ABCB9: variants seen among roughly 807,000 people sequenced by gnomAD.
ABCB9 encodes the protein ABC-type oligopeptide transporter ABCB9.
Under a neutral mutation model 62.0 loss-of-function variants are expected in ABCB9, and 36 were observed. That is an observed-to-expected ratio of 0.58 (90% CI 0.45 to 0.77). ABCB9 has a LOEUF of 0.77. Among genes scored for constraint, ABCB9 ranks in the 30% least tolerant of loss-of-function variants. The pLI is 0.00. For missense variants in ABCB9, 943 were observed against 1,054.7 expected (o/e 0.89, Z 1.47); for synonymous variants, 435 against 461.4 (o/e 0.94, Z 0.73).
intron 1 of ABCB9, among the ~76,000 whole-genome samples, chr12:122,973,533 C>T (rs1484743270): frequency 3.1e-5 from 4 of 129,000 alleles, no homozygotes; most frequent in South Asian, 2.5e-4. Context: ...CACTGCAGTC[C>T]GCAGTCCGGC....
In ABCB9 at chr12:122,932,130, T is replaced by G; in HGVS notation, c.2040+62A>C. On this transcript the variant is annotated intron_variant, in intron 11 of 11. Transcript: ENST00000280560. The surrounding 1 kb of genome is among the most constrained non-coding windows in gnomAD (Gnocchi z 4.7). Reference sequence around the variant, plus strand: ...TTCTCAGCATCCATCTGCTGGGCGATGGGGGCTCTGGCCACCTGGAGCCGC... The same window carrying G: ...TTCTCAGCATCCATCTGCTGGGCGAGGGGGGCTCTGGCCACCTGGAGCCGC... 2 of 1,549,610 alleles carry G rather than the reference T, an allele frequency of 1.3e-6. No individual in the cohort carries two copies. Among genetic ancestry groups the G allele is most frequent in the Non-Finnish European group, 1.7e-6 (2 of 1,146,876 alleles).
At chr12:122,937,673 A>C (rs1566162501) in intron 9 of ABCB9, among the ~76,000 whole-genome samples, 1 of 151,986 alleles carries the variant, frequency 6.6e-6, no homozygotes, top group Non-Finnish European at 1.5e-5. Flanking sequence ...ACAACAATCT[A>C]CCTCTGGTTA....
At position 122,940,961 on chromosome 12, in the gene ABCB9, C is replaced by T. The variant is rs149389342; in HGVS notation, c.1415G>A (p.Gly472Glu). Residue 472 changes from glycine (G) to glutamate (E), a missense_variant, in exon 8 of 12, where the codon GGA (glycine) becomes GAA (glutamate). Coordinates refer to ENST00000280560, the MANE Select transcript of ABCB9 (RefSeq NM_019625.4). The surrounding 1 kb of genome is among the most constrained non-coding windows in gnomAD (Gnocchi z 4.8). ...GAACACCTTCTCAGCAGCCCCCACT[C>T]CCTGCATCAGGCCACTGTAGACGGA... ...VGSVYSGLMQGVGAAEKVFEF... is the reference protein window; with the variant it reads ...VGSVYSGLMQEVGAAEKVFEF... 1.2e-6 allele frequency: 2 copies of T among 1,612,064 alleles called. No homozygotes were observed. Among genetic ancestry groups the T allele is most frequent in the African/African-American group, 2.7e-5 (2 of 74,900 alleles).
chr12:122,964,261 C>T lies in ABCB9; in HGVS notation c.-88+2026G>A, dbSNP rs915260409. 2.6e-5 allele frequency among the ~76,000 whole-genome samples: 4 copies of T among 152,212 alleles called. No individual in the cohort carries two copies. The highest frequency in any genetic ancestry group is 4.8e-5 in the African/African-American group (2 of 41,454). Reference sequence around the variant, plus strand: ...CTGACTCCCAGCCTCTGGGGGAATTCCTTCCCCATCCCCCAACAGCCCAGG... The same window carrying T: ...CTGACTCCCAGCCTCTGGGGGAATTTCTTCCCCATCCCCCAACAGCCCAGG... On this transcript the variant is annotated intron_variant, in intron 1 of 11. Coordinates refer to ENST00000280560, the MANE Select transcript of ABCB9 (RefSeq NM_019625.4). The surrounding 1 kb of genome is among the most constrained non-coding windows in gnomAD (Gnocchi z 4.7).
At chr12:122,925,898 A>G (rs553034923), downstream of ABCB9, among the ~76,000 whole-genome samples, 2 of 152,214 alleles carry the variant, frequency 1.3e-5, no homozygotes, top group African/African-American at 2.4e-5. Flanking sequence ...ATACAATAGG[A>G]TATCATTCAG....
At chr12:122,961,274 G>A (rs943380833) in intron 1 of ABCB9, among the ~76,000 whole-genome samples, 1 of 151,962 alleles carries the variant, frequency 6.6e-6, no homozygotes, top group East Asian at 1.9e-4. Flanking sequence ...CGCAACCTCC[G>A]TCTCCCTGGT....
In ABCB9 at chr12:122,929,988, T is replaced by C; in HGVS notation, c.2224A>G (p.Met742Val). The change falls in exon 12 of 12, where the codon ATG (methionine) becomes GTG (valine). Residue 742 changes from methionine to valine, a missense_variant. Physicochemically the swap from Met to Val is conservative, Grantham distance 21 (BLOSUM62 1). Coordinates refer to ENST00000280560, the MANE Select transcript of ABCB9 (RefSeq NM_019625.4). The surrounding 1 kb of genome is among the most constrained non-coding windows in gnomAD (Gnocchi z 6.0). ...TCTGCGGCGGGCTGAAGCCCCAGCA[T>C]CTGCCGCTGCACCAGCTTGGCGTAG... The part of the protein sequence containing the change: ...GLYAKLVQRQ[M>V]LGLQPAADFT... 1 of 1,577,470 alleles carries C rather than the reference T, an allele frequency of 6.3e-7. No homozygotes were observed. Among genetic ancestry groups the C allele is most frequent in the Non-Finnish European group, 8.6e-7 (1 of 1,164,604 alleles).
At position 122,935,263 on chromosome 12, in the gene ABCB9, G is replaced by A. The variant is rs748839191; in HGVS notation, c.1903+9C>T. 6.3e-6 allele frequency: 10 copies of A among 1,599,772 alleles called. No homozygotes were observed. Among genetic ancestry groups the A allele is most frequent in the Non-Finnish European group, 7.7e-6 (9 of 1,172,398 alleles). ...GGGCCCAGGAGAGGGGCCACCCCCA[G>A]CTCCACACCTGTGCTGTAGCCGTCC... On this transcript the variant is annotated intron_variant, in intron 10 of 11. Coordinates refer to ENST00000280560, the MANE Select transcript of ABCB9 (RefSeq NM_019625.4).
chr12:122,965,462 C>G (rs969635976), intron 1 of ABCB9, among the ~76,000 whole-genome samples: 3 of 152,160 alleles, frequency 2.0e-5, no homozygotes, highest in African/African-American at 7.2e-5. Context: ...GGGGCAGGAG[C>G]GGGCTGGGTC....
At chr12:122,950,825 C>T (rs2036327212) in intron 2 of ABCB9, 8 of 418,362 alleles carry the variant, frequency 1.9e-5, no homozygotes, top group South Asian at 1.5e-4. Context: ...AGGCATCGAG[C>T]CAGGGCTCCT....
chr12:122,947,648 G>A lies in ABCB9; in HGVS notation c.1053+976C>T. On this transcript the variant is annotated intron_variant, in intron 5 of 11. Coordinates refer to ENST00000280560, the MANE Select transcript of ABCB9 (RefSeq NM_019625.4). This position sits in a 1 kb window ranked among gnomAD's most constrained non-coding sequence, Gnocchi z 6.0. ...TCGGGGGCACCCGCCCATTCAGGAA[G>A]CAGGAGGAGGGTGAGGTCAAACCTG... 2 of 293,838 alleles carry A rather than the reference G, an allele frequency of 6.8e-6. No individual in the cohort carries two copies. Among genetic ancestry groups the A allele is most frequent in the Non-Finnish European group, 1.4e-5 (2 of 139,148 alleles). 18.2% of individuals were successfully genotyped at this position (293,838 alleles called of 1,614,324 possible).
chr12:122,947,394 G>A lies in ABCB9; in HGVS notation c.1054-1172C>T, dbSNP rs1353474479. The A allele has an allele frequency of 7.3e-6, 3 of 408,394 alleles. No individual in the cohort carries two copies. The highest frequency in any genetic ancestry group is 6.1e-5 in the African/African-American group (3 of 49,238). 25.3% of individuals were successfully genotyped at this position (408,394 alleles called of 1,614,324 possible). A position where few individuals can be genotyped will look rare whatever the true frequency, so the allele number is the denominator to read the frequency against. ...GTGGGGAGTGGCCTCACCGGGGGCT[G>A]GGTGGGAGATGGCTTCCTTTGCTAC... On this transcript the variant is annotated intron_variant, in intron 5 of 11. Transcript: ENST00000280560. This position sits in a 1 kb window ranked among gnomAD's most constrained non-coding sequence, Gnocchi z 6.0.
At chr12:122,933,843 T>G (rs1340327289) in intron 10 of ABCB9, among the ~76,000 whole-genome samples, 1 of 152,146 alleles carries the variant, frequency 6.6e-6, no homozygotes, top group African/African-American at 2.4e-5. Context: ...AATAGCTAAA[T>G]CAAGCCAGTT....
At position 122,932,177 on chromosome 12, in the gene ABCB9, C is replaced by T. The variant is rs374106311; in HGVS notation, c.2040+15G>A. 6 of 1,551,700 alleles carry T rather than the reference C, an allele frequency of 3.9e-6. No homozygotes were observed. In the African/African-American group the frequency reaches 8.2e-5, roughly 21 times the overall value. The stretch of plus-strand genomic sequence containing the variant: ...CCGCTCCTGCCCCCGCATTGCCCAC[C>T]ACCCTGTGACTCACCAGATACTCGC... On this transcript the variant is annotated intron_variant, in intron 11 of 11. Coordinates refer to ENST00000280560, the MANE Select transcript of ABCB9 (RefSeq NM_019625.4). This position sits in a 1 kb window ranked among gnomAD's most constrained non-coding sequence, Gnocchi z 4.7.
intron 10 of ABCB9, among the ~76,000 whole-genome samples, chr12:122,934,075 C>T (rs908324748): frequency 6.6e-6 from 1 of 152,070 alleles, no homozygotes; most frequent in Non-Finnish European, 1.5e-5. Flanking sequence ...GAAACCCCGT[C>T]TCTACTAACA....
intron 2 of ABCB9, among the ~76,000 whole-genome samples, chr12:122,953,610 A>G (rs779552554): frequency 1.6e-4 from 24 of 151,244 alleles, no homozygotes; most frequent in Non-Finnish European, 3.1e-4. Context: ...CTGATCTTGA[A>G]CTCCTGACCT....
At position 122,949,885 on chromosome 12, in the gene ABCB9, A is replaced by G. The variant is rs2036262094; in HGVS notation, c.750T>C (p.Phe250=). 7 of 1,614,162 alleles carry G rather than the reference A, an allele frequency of 4.3e-6. No homozygotes were observed. Among genetic ancestry groups the G allele is most frequent in the Non-Finnish European group, 5.9e-6 (7 of 1,179,980 alleles). ...SFAAGIRGGI[F]TLIFARLNIR... ...TGTTCAGTCTGGCAAATATGAGGGT[A>G]AAAATGCCGCCCCGAATACCTGCGG... Residue 250 remains phenylalanine (F), a synonymous_variant, in exon 4 of 12, where the codon TTT becomes TTC. Transcript: ENST00000280560.
At chr12:122,954,646 C>A (rs189686891) in intron 2 of ABCB9, among the ~76,000 whole-genome samples, 1 of 152,120 alleles carries the variant, frequency 6.6e-6, no homozygotes, top group African/African-American at 2.4e-5. Flanking sequence ...GCGTGTGCCA[C>A]CACGCCCGGC....
chr12:122,924,869 T>A, downstream of ABCB9: 3 of 1,525,882 alleles, frequency 2.0e-6, no homozygotes, highest in South Asian at 3.6e-5. Flanking sequence ...CAGAAAAAAG[T>A]CAGCTTTAAA....
Sources: allele counts gnomAD v4.1 joint callset (sites outside exome capture counted in the v4.1 genomes callset), GRCh38; gene constraint gnomAD v4.1.1; non-coding constraint Gnocchi (gnomAD v3.1); transcripts MANE v1.5; gene names NCBI Gene and HGNC (gene_info 2026-07-23, HGNC 2026-07-21).